Variants in CHD9NB observed in about 807,000 individuals in gnomAD.
The protein encoded by CHD9NB is CHD9 neighbor protein.
chr16:53,037,396 TA>T, the CHD9NB span, among the ~76,000 whole-genome samples: 1 of 152,212 alleles, frequency 6.6e-6, no homozygotes, highest in African/African-American at 2.4e-5. Flanking sequence ...AAGGACCAGT[TA>T]ACAAGGATTT....
chr16:53,050,183 G>A, the CHD9NB span, among the ~76,000 whole-genome samples: 4 of 151,898 alleles, frequency 2.6e-5, no homozygotes. Context: ...AGCCTGGGTA[G>A]GAGTAGTATT....
At chr16:53,038,056 G>A in the CHD9NB span, among the ~76,000 whole-genome samples, 6 of 152,314 alleles carry the variant, frequency 3.9e-5, no homozygotes, top group African/African-American at 1.2e-4. Flanking sequence ...GAGAACCAGA[G>A]AGGCCACTGG....
the CHD9NB span, among the ~76,000 whole-genome samples, chr16:53,049,344 G>A: frequency 6.6e-6 from 1 of 151,312 alleles, no homozygotes; most frequent in Admixed American, 6.6e-5. Context: ...GTGTGTGTGT[G>A]TGTGTGTGTG....
chr16:53,051,601 G>A, the CHD9NB span, among the ~76,000 whole-genome samples: 18 of 130,390 alleles, frequency 1.4e-4, no homozygotes, highest in Non-Finnish European at 1.4e-4. Flanking sequence ...GGGGAACATC[G>A]CACACCGGGG....
the CHD9NB span, among the ~76,000 whole-genome samples, chr16:53,037,570 T>C: frequency 6.6e-6 from 1 of 152,218 alleles, no homozygotes; most frequent in Non-Finnish European, 1.5e-5. Flanking sequence ...AAATGGGCAA[T>C]CTGCCTTCTT....
At chr16:53,044,759 T>C in the CHD9NB span, among the ~76,000 whole-genome samples, 1 of 152,230 alleles carries the variant, frequency 6.6e-6, no homozygotes, top group Non-Finnish European at 1.5e-5. Flanking sequence ...ATCCATTATT[T>C]GTTTACAACC....
the CHD9NB span, among the ~76,000 whole-genome samples, chr16:53,037,550 TG>T: frequency 6.6e-6 from 1 of 152,230 alleles, no homozygotes; most frequent in South Asian, 2.1e-4. Context: ...GTGGGCTTTT[TG>T]TTGCTAATAA....
chr16:53,050,310 C>A, the CHD9NB span, among the ~76,000 whole-genome samples: 6 of 152,088 alleles, frequency 3.9e-5, no homozygotes, highest in African/African-American at 1.4e-4. Flanking sequence ...AGTTTGAGAC[C>A]AGCCTGAGCA....
At chr16:53,036,555 A>G in the CHD9NB span, among the ~76,000 whole-genome samples, 1 of 152,144 alleles carries the variant, frequency 6.6e-6, no homozygotes, top group African/African-American at 2.4e-5. Context: ...TACCTGAGGA[A>G]TGCCAGCCCC....
the CHD9NB span, among the ~76,000 whole-genome samples, chr16:53,045,001 A>G: frequency 6.6e-6 from 1 of 151,736 alleles, no homozygotes; most frequent in African/African-American, 2.4e-5. Context: ...CAGTGGTGCA[A>G]TTATGGCTCA....
chr16:53,046,283 A>G, the CHD9NB span, among the ~76,000 whole-genome samples: 1 of 152,118 alleles, frequency 6.6e-6, no homozygotes, highest in Non-Finnish European at 1.5e-5. Context: ...AGGAGCACCC[A>G]GGGGCAAGGT....
At chr16:53,051,164 G>C in the CHD9NB span, among the ~76,000 whole-genome samples, 1 of 151,846 alleles carries the variant, frequency 6.6e-6, no homozygotes, top group Non-Finnish European at 1.5e-5. Context: ...TGGGATTATA[G>C]GTGTGAGCCA....
At chr16:53,036,033 A>G in the CHD9NB span, 1 of 152,014 alleles carries the variant, frequency 6.6e-6, no homozygotes, top group Non-Finnish European at 1.5e-5. Context: ...CCACATATTA[A>G]CTTGGCTACA....
At chr16:53,042,204 A>C in the CHD9NB span, among the ~76,000 whole-genome samples, 2 of 146,292 alleles carry the variant, frequency 1.4e-5, no homozygotes, top group Admixed American at 6.9e-5. Flanking sequence ...AACTTCCTCG[A>C]TTTCTTCCTT....
chr16:53,046,751 G>A, the CHD9NB span, among the ~76,000 whole-genome samples: 1 of 152,112 alleles, frequency 6.6e-6, no homozygotes, highest in South Asian at 2.1e-4. Flanking sequence ...GACACATCCT[G>A]GATGAGTTGT....
the CHD9NB span, among the ~76,000 whole-genome samples, chr16:53,036,939 C>G: frequency 6.6e-6 from 1 of 151,900 alleles, no homozygotes; most frequent in African/African-American, 2.4e-5. Context: ...TTGGCTTCAT[C>G]AAATTTTTTT....
chr16:53,045,293 C>A, the CHD9NB span, among the ~76,000 whole-genome samples: 1 of 152,112 alleles, frequency 6.6e-6, no homozygotes, highest in Non-Finnish European at 1.5e-5. Flanking sequence ...GTTTTGAAGA[C>A]CCCATCAGGC....
At chr16:53,046,896 C>G in the CHD9NB span, among the ~76,000 whole-genome samples, 1 of 152,182 alleles carries the variant, frequency 6.6e-6, no homozygotes, top group Non-Finnish European at 1.5e-5. Context: ...TACCCAACCT[C>G]TTCCTCAACT....
chr16:53,040,968 G>T, the CHD9NB span, among the ~76,000 whole-genome samples: 4 of 151,846 alleles, frequency 2.6e-5, no homozygotes, highest in East Asian at 7.7e-4. Context: ...AAGATGGAAG[G>T]ACTGATGAAC....
Sources: gnomAD v4.1 joint callset for allele counts (sites outside exome capture counted in the v4.1 genomes callset) on GRCh38, gnomAD v4.1.1 for gene constraint, MANE v1.5 for transcripts, NCBI Gene and HGNC (gene_info 2026-07-23, HGNC 2026-07-21) for gene names.